MAP2K2: variants seen among roughly 807,000 people sequenced by gnomAD.
The protein encoded by MAP2K2 is dual specificity mitogen-activated protein kinase kinase 2.
Under a neutral mutation model 43.7 loss-of-function variants are expected in MAP2K2, and 24 were observed. The ratio of observed to expected loss-of-function variants is 0.55; its 90% CI spans 0.40 to 0.77. The LOEUF (loss-of-function observed/expected upper bound fraction) is 0.77, where lower values mean the gene tolerates loss of function less well. Among genes scored for constraint, MAP2K2 ranks in the 30% least tolerant of loss-of-function variants. MAP2K2 has a pLI of 0.00. For missense variants in MAP2K2, 470 were observed against 566.8 expected, an observed-to-expected ratio of 0.83 and a Z score of 1.73; for synonymous variants, 244 against 239.7, an observed-to-expected ratio of 1.02 and a Z score of -0.17.
Position 4,102,448 on chromosome 19 carries a change from G to A in MAP2K2, c.456C>T (p.Gly152=), listed in dbSNP as rs143106439. 5.7e-5 allele frequency: 91 copies of A among 1,600,698 alleles called. No individual in the cohort carries two copies. Among genetic ancestry groups the A allele is most frequent in the African/African-American group, 1.6e-4 (12 of 74,808 alleles). The change falls in exon 4 of 11, where the codon GGC becomes GGT. Residue 152 remains glycine (G), a synonymous_variant. Transcript: ENST00000262948. ...EISICMEHMD[G]GSLDQVLKEA... ...CTTTCAGCACCTGGTCCAGGGAGCC[G>A]CCGTCCTAGAGGGCACACAAGGAGT...
At chr19:4,090,996 C>T (rs926230999) in intron 10 of MAP2K2, among the ~76,000 whole-genome samples, 4 of 152,214 alleles carry the variant, frequency 2.6e-5, no homozygotes, top group African/African-American at 4.8e-5. Flanking sequence ...TCTACGCTCG[C>T]GCAAGCCCAG....
intron 3 of MAP2K2, chr19:4,102,828 G>C: frequency 8.3e-7 from 1 of 1,211,038 alleles, no homozygotes; most frequent in African/African-American, 1.6e-5. Context: ...TGGTGGGCTT[G>C]TCTGTGCGCC....
At chr19:4,110,825 C>A (rs1303480583) in intron 2 of MAP2K2, among the ~76,000 whole-genome samples, 170 bp from the exon 3 acceptor site, 3 of 152,152 alleles carry the variant, frequency 2.0e-5, no homozygotes, top group Admixed American at 6.5e-5. Flanking sequence ...TACGTCCACA[C>A]AGAAACGTGT....
intron 1 of MAP2K2, among the ~76,000 whole-genome samples, chr19:4,118,868 G>C (rs188653938): frequency 6.6e-6 from 1 of 152,298 alleles, no homozygotes; most frequent in East Asian, 1.9e-4. Flanking sequence ...AGGAAATTTC[G>C]ACAGTAAGCT....
rs540571087 is a variant in MAP2K2, at chr19:4,101,468, G to A, written c.529-188C>T. On this transcript the variant is annotated intron_variant, in intron 4 of 10. Coordinates refer to ENST00000262948, the MANE Select transcript of MAP2K2 (RefSeq NM_030662.4). This position sits in a 1 kb window ranked among gnomAD's most constrained non-coding sequence, Gnocchi z 6.3. Reference sequence around the variant, plus strand: ...GAGACGAGACAGTGCTGACAGCCCTGTGCTGGCGTGTGCAAGTCAACCCCG... The same window carrying A: ...GAGACGAGACAGTGCTGACAGCCCTATGCTGGCGTGTGCAAGTCAACCCCG... Among the ~76,000 whole-genome samples the A allele has an allele frequency of 1.3e-5, 2 of 152,322 alleles. No individual in the cohort carries two copies. Among genetic ancestry groups the A allele is most frequent in the East Asian group, 3.9e-4 (2 of 5,176 alleles).
chr19:4,101,601 G>C lies in MAP2K2; in HGVS notation c.529-321C>G, dbSNP rs1382393782. Among the ~76,000 whole-genome samples the C allele has an allele frequency of 6.6e-6, 1 of 152,164 alleles. No individual in the cohort carries two copies. Among genetic ancestry groups the C allele is most frequent in the East Asian group, 1.9e-4 (1 of 5,164 alleles). On this transcript the variant is annotated intron_variant, in intron 4 of 10. Transcript: ENST00000262948. This position sits in a 1 kb window ranked among gnomAD's most constrained non-coding sequence, Gnocchi z 6.3. ...TGGCCCATGGCCCGGGAGTAGGCTG[G>C]GCTGCCGAGTTTGCCCACATCAGCC...
intron 8 of MAP2K2, 113 bp downstream of exon 8, chr19:4,097,166 C>G: frequency 6.2e-6 from 5 of 807,736 alleles, no homozygotes. Context: ...TGTACTCCAG[C>G]CTTGGTGACT....
At position 4,106,129 on chromosome 19, in the gene MAP2K2, T is replaced by A. The variant is rs1433390161; in HGVS notation, c.451-3676A>T. Reference sequence around the variant, plus strand: ...TGCCCAGCCAGAGTTTAAAACAACATCGAAATGGGCTCATGTCTGTAATCC... The same window carrying A: ...TGCCCAGCCAGAGTTTAAAACAACAACGAAATGGGCTCATGTCTGTAATCC... On this transcript the variant is annotated intron_variant, in intron 3 of 10. Transcript: ENST00000262948. 2.6e-5 allele frequency among the ~76,000 whole-genome samples: 4 copies of A among 152,168 alleles called. No individual in the cohort carries two copies. In the East Asian group the frequency reaches 7.7e-4, roughly 29 times the overall value.
In MAP2K2 at chr19:4,118,180, C is replaced by T. The variant is rs375924075; in HGVS notation, c.93-551G>A. ...CTCCAACTCCTGACATTGAGTGATC[C>T]GCCTGCCTCAGCCTCTCAAAGTGCT... On this transcript the variant is annotated intron_variant, in intron 1 of 10. Coordinates refer to ENST00000262948, the MANE Select transcript of MAP2K2 (RefSeq NM_030662.4). Among the ~76,000 whole-genome samples, 26 of 152,294 alleles carry T rather than the reference C, an allele frequency of 1.7e-4. No homozygotes were observed. In the South Asian group the frequency reaches 3.3e-3, roughly 19 times the overall value.
chr19:4,092,887 T>C (rs1285442316), intron 10 of MAP2K2, among the ~76,000 whole-genome samples: 1 of 151,566 alleles, frequency 6.6e-6, no homozygotes, highest in Non-Finnish European at 1.5e-5. Flanking sequence ...GCCTGGACAA[T>C]TAGCAAGACC....
At chr19:4,094,555 C>A in intron 9 of MAP2K2, 57 bp from the exon 10 acceptor site, 1 of 1,533,698 alleles carries the variant, frequency 6.5e-7, no homozygotes, top group South Asian at 1.2e-5. Flanking sequence ...ACAGGGCAGT[C>A]AGCTGGTGGC....
In MAP2K2 at chr19:4,115,454, G is replaced by A. The variant is rs8101696; in HGVS notation, c.303+1965C>T. 0.056 allele frequency among the ~76,000 whole-genome samples: 8,498 copies of A among 152,258 alleles called. 256 individuals are homozygous for A. Among genetic ancestry groups the A allele is most frequent in the South Asian group, 0.07 (336 of 4,824 alleles). ...AAGCCTGAGGGTCCCTGGCACACACGAGGACTGGCACTGTCTCAAGGCCCT... is the reference window on the plus strand; with the variant it reads ...AAGCCTGAGGGTCCCTGGCACACACAAGGACTGGCACTGTCTCAAGGCCCT... On this transcript the variant is annotated intron_variant, in intron 2 of 10. Transcript: ENST00000262948. The surrounding 1 kb of genome is among the most constrained non-coding windows in gnomAD (Gnocchi z 4.1).
chr19:4,114,325 A>G (rs1206130232), intron 2 of MAP2K2, among the ~76,000 whole-genome samples: 2 of 152,178 alleles, frequency 1.3e-5, no homozygotes, highest in Non-Finnish European at 2.9e-5. Flanking sequence ...AATTTTAATG[A>G]GAACACGCGT....
Position 4,094,656 on chromosome 19 carries a change from T to C in MAP2K2, c.1047-158A>G, listed in dbSNP as rs1490412756. The C allele has an allele frequency of 1.8e-5, 13 of 703,876 alleles. No homozygotes were observed. In the South Asian group the frequency reaches 2.2e-4, roughly 12 times the overall value. 43.6% of individuals were successfully genotyped at this position (703,876 alleles called of 1,614,324 possible). A position where few individuals can be genotyped will look rare whatever the true frequency, so the allele number is the denominator to read the frequency against. ...CACAGAGTGGCTGCTCTGTTCTGCC[T>C]CCTGGCAGAGGACGAGGGATCCACC... is the stretch of plus-strand genomic sequence containing the variant. On this transcript the variant is annotated intron_variant, in intron 9 of 10. Coordinates refer to ENST00000262948, the MANE Select transcript of MAP2K2 (RefSeq NM_030662.4).
At chr19:4,099,658 C>A (rs924153847) in intron 6 of MAP2K2, 4 of 569,006 alleles carry the variant, frequency 7.0e-6, no homozygotes, top group Non-Finnish European at 1.3e-5. Context: ...GAAGAGCCTG[C>A]AATGCTCAGC....
rs748355174 is a variant in MAP2K2, at chr19:4,101,239, G to T, written c.570C>A (p.Ile190=). 2 of 1,589,928 alleles carry T rather than the reference G, an allele frequency of 1.3e-6. No homozygotes were observed. Among genetic ancestry groups the T allele is most frequent in the Non-Finnish European group, 1.7e-6 (2 of 1,168,976 alleles). The change falls in exon 5 of 11, where the codon ATC becomes ATA. Residue 190 remains isoleucine, a synonymous_variant. Transcript: ENST00000262948. This position sits in a 1 kb window ranked among gnomAD's most constrained non-coding sequence, Gnocchi z 6.3. ...GLAYLREKHQ[I]MHRDVKPSNI... is the part of the protein sequence containing the mutation. ...CGGGCTGGGCCTTACCTCGGTGCAT[G>T]ATCTGGTGCTTCTCTCGGAGGTACG...
rs1363496573 is a variant in MAP2K2, at chr19:4,119,902, G to A, written c.93-2273C>T. On this transcript the variant is annotated intron_variant, in intron 1 of 10. Coordinates refer to ENST00000262948, the MANE Select transcript of MAP2K2 (RefSeq NM_030662.4). ...CAATCCCAAAGTTCGACCACTGTTCGCCTACAGCTGGAAGTGGCGTAAGCC... is the reference window on the plus strand; with the variant it reads ...CAATCCCAAAGTTCGACCACTGTTCACCTACAGCTGGAAGTGGCGTAAGCC... 3.3e-5 allele frequency among the ~76,000 whole-genome samples: 5 copies of A among 152,256 alleles called. No homozygotes were observed. The East Asian group carries it at 5.8e-4, about 18-fold the overall frequency.
chr19:4,094,139 C>T (rs2040881109), intron 10 of MAP2K2, among the ~76,000 whole-genome samples: 1 of 152,186 alleles, frequency 6.6e-6, no homozygotes, highest in Non-Finnish European at 1.5e-5. Context: ...TCCAGCCTCT[C>T]ATGAGGGCAA....
At chr19:4,099,053 A>G (rs1309776582) in intron 7 of MAP2K2, 148 bp downstream of exon 7, 8 of 685,108 alleles carry the variant, frequency 1.2e-5, no homozygotes, top group Non-Finnish European at 2.0e-5. Context: ...CCCCAGGACC[A>G]TGGGAGGACT....
Sources: gnomAD v4.1 joint callset for allele counts (sites outside exome capture counted in the v4.1 genomes callset) on GRCh38, gnomAD v4.1.1 for gene constraint, Gnocchi (gnomAD v3.1) non-coding constraint, MANE v1.5 for transcripts, NCBI Gene and HGNC (gene_info 2026-07-23, HGNC 2026-07-21) for gene names.